Variants in MERTK observed in about 807,000 individuals in gnomAD.
MERTK encodes MER proto-oncogene, tyrosine kinase.
A neutral mutation model predicts 99.3 loss-of-function variants in MERTK; 69 were observed. The observed-to-expected ratio is 0.70, with a 90% CI of 0.57 to 0.85. The LOEUF (loss-of-function observed/expected upper bound fraction) is 0.85, where lower values mean the gene tolerates loss of function less well. MERTK is among the 40% of genes least tolerant of loss of function. The pLI is 0.00. For missense variants in MERTK, 1,125 were observed against 1,249.4 expected, an observed-to-expected ratio of 0.90 and a Z score of 1.50; for synonymous variants, 426 against 467.6, an observed-to-expected ratio of 0.91 and a Z score of 1.15.
intron 12 of MERTK, chr2:112,003,491 G>C: frequency 3.0e-6 from 1 of 332,028 alleles, no homozygotes; most frequent in Non-Finnish European, 5.6e-6. Context: ...TATTCCTCTA[G>C]TTCTTAAGTT....
chr2:112,021,600 T>G lies in MERTK; in HGVS notation c.2349+19T>G. ...TGATGTGGTATGTACACAGCTTTGATTCAGGGGTCCCACAGCACAAAGAGG... is the reference window on the plus strand; with the variant it reads ...TGATGTGGTATGTACACAGCTTTGAGTCAGGGGTCCCACAGCACAAAGAGG... On this transcript the variant is annotated intron_variant, in intron 17 of 18. Transcript: ENST00000295408. 1 of 1,600,798 alleles carries G rather than the reference T, an allele frequency of 6.2e-7. No homozygotes were observed. The highest frequency in any genetic ancestry group is 8.6e-7 in the Non-Finnish European group (1 of 1,168,836).
chr2:111,919,052 C>T (rs983658162), intron 1 of MERTK, among the ~76,000 whole-genome samples: 2 of 152,196 alleles, frequency 1.3e-5, no homozygotes, highest in Non-Finnish European at 2.9e-5. Context: ...TTTGAATGGA[C>T]AGGTGACTTA....
chr2:111,989,447 T>C (rs554361722), intron 8 of MERTK, among the ~76,000 whole-genome samples: 1 of 151,930 alleles, frequency 6.6e-6, no homozygotes, highest in Admixed American at 6.6e-5. Context: ...AGTTCCGCCT[T>C]CCAGGTTCAC....
intron 1 of MERTK, among the ~76,000 whole-genome samples, chr2:111,917,289 G>T (rs187717901): frequency 1.3e-3 from 197 of 152,284 alleles, no homozygotes; most frequent in African/African-American, 4.6e-3. Flanking sequence ...ACGCCACCCT[G>T]GAGGGCCACT....
At chr2:111,906,082 C>T (rs1422315525) in intron 1 of MERTK, among the ~76,000 whole-genome samples, 1 of 152,190 alleles carries the variant, frequency 6.6e-6, no homozygotes, top group Non-Finnish European at 1.5e-5. Context: ...TCTGTGCCTC[C>T]ATGTATTTCT....
intron 2 of MERTK, among the ~76,000 whole-genome samples, chr2:111,931,852 T>G (rs926261504): frequency 2.0e-5 from 3 of 152,224 alleles, no homozygotes; most frequent in Non-Finnish European, 4.4e-5. Context: ...CTGCCTCATC[T>G]TCCCTGGTCT....
At chr2:112,002,250 A>C (rs1676884351) in intron 11 of MERTK, among the ~76,000 whole-genome samples, 1 of 152,086 alleles carries the variant, frequency 6.6e-6, no homozygotes, top group African/African-American at 2.4e-5. Context: ...CTTTTTCTCC[A>C]ATTCCTCAAA....
chr2:112,002,968 G>C (rs1573633273), intron 11 of MERTK, 124 bp from the exon 12 acceptor site: 68 of 590,378 alleles, frequency 1.2e-4, no homozygotes, highest in South Asian at 1.1e-3. Context: ...GCTAGACTCT[G>C]GCTCAATAAA....
intron 1 of MERTK, among the ~76,000 whole-genome samples, chr2:111,912,791 A>C (rs781016011): frequency 8.5e-5 from 13 of 152,072 alleles, no homozygotes; most frequent in Non-Finnish European, 1.3e-4. Flanking sequence ...GCTGTCACAC[A>C]CTGGAGCCTT....
intron 11 of MERTK, among the ~76,000 whole-genome samples, chr2:112,002,614 A>G (rs1676891571): frequency 1.3e-5 from 2 of 152,194 alleles, no homozygotes; most frequent in Non-Finnish European, 2.9e-5. Context: ...CATTATACTT[A>G]GTTTAATCAT....
intron 2 of MERTK, among the ~76,000 whole-genome samples, chr2:111,939,654 ATTTT>A (rs1184269274): frequency 1.1e-5 from 1 of 88,246 alleles, no homozygotes; most frequent in African/African-American, 4.6e-5. Context: ...CTAATTTTTA[ATTTT>A]TTTTTTTTTT....
At position 111,929,157 on chromosome 2, in the gene MERTK, G is replaced by T; in HGVS notation, c.99G>T (p.Pro33=). 1 of 1,614,106 alleles carries T rather than the reference G, an allele frequency of 6.2e-7. No individual in the cohort carries two copies. The highest frequency in any genetic ancestry group is 8.5e-7 in the Non-Finnish European group (1 of 1,180,016). ...CAAGGGAAGAAGCCAAGCCTTACCC[G>T]CTATTCCCGGGACCTTTTCCAGGGA... The part of the protein sequence containing the change: ...TEAREEAKPY[P]LFPGPFPGSL... Residue 33 remains proline (P), a synonymous_variant, in exon 2 of 19, where the codon CCG becomes CCT. Transcript: ENST00000295408.
At chr2:111,926,119 CT>C (rs1466782219) in intron 1 of MERTK, among the ~76,000 whole-genome samples, 1 of 152,196 alleles carries the variant, frequency 6.6e-6, no homozygotes, top group Non-Finnish European at 1.5e-5. Flanking sequence ...GCGTGAGCCA[CT>C]GCGCCCAGCC....
chr2:111,934,917 A>G (rs1684738208), intron 2 of MERTK, among the ~76,000 whole-genome samples: 1 of 152,170 alleles, frequency 6.6e-6, no homozygotes, highest in Non-Finnish European at 1.5e-5. Flanking sequence ...CACCTGTCCT[A>G]GTTGAAGATG....
chr2:111,925,292 A>ATATATATATATTT (rs372747015), intron 1 of MERTK, among the ~76,000 whole-genome samples: 14 of 24,496 alleles, frequency 5.7e-4, no homozygotes, highest in Non-Finnish European at 8.0e-4. Flanking sequence ...ATATATATAT[A>ATATATATATATTT]TTTTTTTTTT....
At chr2:111,991,751 A>G (rs1358130888) in intron 8 of MERTK, among the ~76,000 whole-genome samples, 1 of 152,092 alleles carries the variant, frequency 6.6e-6, no homozygotes, top group East Asian at 1.9e-4. Flanking sequence ...GTGTACACAC[A>G]CAATATATAT....
intron 11 of MERTK, 124 bp from the exon 12 acceptor site, chr2:112,002,968 G>A: frequency 5.1e-6 from 3 of 590,378 alleles, no homozygotes; most frequent in Admixed American, 2.4e-5. Flanking sequence ...GCTAGACTCT[G>A]GCTCAATAAA....
At chr2:111,906,447 T>A (rs1183793369) in intron 1 of MERTK, among the ~76,000 whole-genome samples, 1 of 152,252 alleles carries the variant, frequency 6.6e-6, no homozygotes, top group African/African-American at 2.4e-5. Context: ...TTGAAAATGA[T>A]CACTTTCACA....
rs574651683 is a variant in MERTK, at chr2:111,899,178, C to T, written c.61+382C>T. 3.9e-5 allele frequency among the ~76,000 whole-genome samples: 6 copies of T among 152,318 alleles called. No individual in the cohort carries two copies. The East Asian group carries it at 1.2e-3, about 29-fold the overall frequency. ...GGTCTGGGATGCGACGAGAACTTTCCACTAGAGTTGCATGGTGGGGCCCCG... is the reference window on the plus strand; with the variant it reads ...GGTCTGGGATGCGACGAGAACTTTCTACTAGAGTTGCATGGTGGGGCCCCG... On this transcript the variant is annotated intron_variant, in intron 1 of 18. Transcript: ENST00000295408.
Sources: gnomAD v4.1 joint callset for allele counts (sites outside exome capture counted in the v4.1 genomes callset) on GRCh38, gnomAD v4.1.1 for gene constraint, MANE v1.5 for transcripts, NCBI Gene and HGNC (gene_info 2026-07-23, HGNC 2026-07-21) for gene names.